Variants in DGKZ observed in about 807,000 individuals in gnomAD.
The protein encoded by DGKZ is DAG kinase zeta.
Under a neutral mutation model 142.5 loss-of-function variants are expected in DGKZ, and 45 were observed. The ratio of observed to expected loss-of-function variants is 0.32; its 90% confidence interval spans 0.25 to 0.40. The LOEUF (loss-of-function observed/expected upper bound fraction) is 0.40, where lower values mean the gene tolerates loss of function less well. DGKZ is among the 10% of genes least tolerant of loss of function. The probability of loss-of-function intolerance (pLI) is 1.00; values close to 1 mark genes in which losing one functional copy is unlikely to be tolerated. For missense variants in DGKZ, 755 were observed against 1,306.5 expected, an observed-to-expected ratio of 0.58 and a Z score of 6.51; for synonymous variants, 442 against 527.0, an observed-to-expected ratio of 0.84 and a Z score of 2.21.
At chr11:46,369,827 CGCAGGACTGCAG>C in intron 5 of DGKZ, 102 bp from the exon 6 acceptor site, 1 of 1,152,878 alleles carries the variant, frequency 8.7e-7, no homozygotes, top group Non-Finnish European at 1.3e-6. Context: ...TCCACTCATG[CGCAGGACTGCAG>C]AGCGCTTCCT....
chr11:46,377,900 A>AC, intron 25 of DGKZ: 1 of 482,512 alleles, frequency 2.1e-6, no homozygotes, highest in Non-Finnish European at 3.7e-6. Flanking sequence ...CACTCCCAGG[A>AC]CCCCCTCTGC....
In DGKZ at chr11:46,379,203, C is replaced by T. The variant is rs1255204512; in HGVS notation, c.2540C>T (p.Ala847Val). 9 of 1,612,752 alleles carry T rather than the reference C, an allele frequency of 5.6e-6. No individual in the cohort carries two copies. Among genetic ancestry groups the T allele is most frequent in the Admixed American group, 1.7e-5 (1 of 59,992 alleles). The change falls in exon 29 of 31, where the codon GCC becomes GTC. Residue 847 changes from alanine (A) to valine (V), a missense_variant and splice_region_variant. By Grantham distance (64) the Ala-to-Val change is moderately conservative. Coordinates refer to ENST00000527911, the Ensembl canonical transcript of DGKZ. ...CTGACCACCACCTCCCCTTCTCCAG[C>T]CCCCCCAGAGATCCTTGATGCGGTG...
intron 1 of DGKZ, chr11:46,366,588 C>G: frequency 6.2e-7 from 1 of 1,607,802 alleles, no homozygotes. Context: ...CTGCTGTTGA[C>G]CGGGCTTGTG....
At position 46,378,504 on chromosome 11, in the gene DGKZ, C is replaced by T; in HGVS notation, c.2418+4C>T. On this transcript the variant is annotated splice_donor_region_variant and intron_variant, in intron 27 of 30. Transcript: ENST00000527911. ...CAAGAGGAACGACTTCTGTAAGGTA[C>T]TAGCTCCAGGCTCCAGTTCCTTCCC... 6.2e-7 allele frequency: 1 copy of T among 1,612,992 alleles called. No individual in the cohort carries two copies.
chr11:46,345,816 G>C (rs780997992), upstream of DGKZ, among the ~76,000 whole-genome samples: 3 of 152,180 alleles, frequency 2.0e-5, no homozygotes, highest in Non-Finnish European at 4.4e-5. This position sits in a 1 kb window ranked among gnomAD's most constrained non-coding sequence, Gnocchi z 4.1. Context: ...CTAGCAGTGG[G>C]GGGATCTGGG....
exon 1 of DGKZ, chr11:46,333,011 G>A (rs1939846164): frequency 6.1e-6 from 2 of 325,534 alleles, no homozygotes; most frequent in Non-Finnish European, 1.1e-5. Context: ...GGGGGGCGCC[G>A]CGGCGCGCAG....
chr11:46,371,484 C>T lies in DGKZ; in HGVS notation c.643-3C>T. 1 of 1,602,826 alleles carries T rather than the reference C, an allele frequency of 6.2e-7. No individual in the cohort carries two copies. The highest frequency in any genetic ancestry group is 8.5e-7 in the Non-Finnish European group (1 of 1,173,720). ...GCTGAGCCCGGCCCCTCGCTCTCCT[C>T]AGTACCACAGCAAGGTGTCCTGCTT... On this transcript the variant is annotated splice_region_variant and splice_polypyrimidine_tract_variant and intron_variant, in intron 7 of 30. Transcript: ENST00000527911.
chr11:46,333,326 C>A (rs1939859949), exon 1 of DGKZ: 2 of 1,326,642 alleles, frequency 1.5e-6, no homozygotes. Flanking sequence ...GGGCTGGCGG[C>A]GGCCGGGCAG....
At chr11:46,358,738 A>G (rs1942308792) in intron 1 of DGKZ, among the ~76,000 whole-genome samples, 1 of 152,246 alleles carries the variant, frequency 6.6e-6, no homozygotes, top group South Asian at 2.1e-4. Flanking sequence ...TTGAGCAAAA[A>G]TGAGAATTTT....
At chr11:46,333,483 T>A in exon 1 of DGKZ, 1 of 1,542,034 alleles carries the variant, frequency 6.5e-7, no homozygotes, top group Non-Finnish European at 8.7e-7. Context: ...GCAGGTGTCT[T>A]ACAGGTAAGG....
intron 27 of DGKZ, 196 bp downstream of exon 27, chr11:46,378,696 T>C (rs1000853066): frequency 2.3e-6 from 2 of 876,310 alleles, no homozygotes; most frequent in Non-Finnish European, 3.7e-6. Flanking sequence ...TGGCTCCTAG[T>C]AGGGGCTTCC....
intron 1 of DGKZ, chr11:46,365,132 C>A: frequency 1.0e-6 from 1 of 985,354 alleles, no homozygotes; most frequent in Non-Finnish European, 1.2e-6. Flanking sequence ...AGCATGAGTT[C>A]AGGATGGGTC....
Position 46,376,414 on chromosome 11 carries a change from G to T in DGKZ, c.2161+17G>T, listed in dbSNP as rs1565081148. ...TCCTGGACGGTGAGTCTACTCCCAGGGTGCCAAGCTGTTTCGTGTTCCCTC... is the reference window on the plus strand; with the variant it reads ...TCCTGGACGGTGAGTCTACTCCCAGTGTGCCAAGCTGTTTCGTGTTCCCTC... On this transcript the variant is annotated intron_variant, in intron 23 of 30. Transcript: ENST00000527911. 6.8e-6 allele frequency: 11 copies of T among 1,614,072 alleles called. No homozygotes were observed. Among genetic ancestry groups the T allele is most frequent in the Non-Finnish European group, 7.6e-6 (9 of 1,179,974 alleles).
chr11:46,347,961 G>A lies in DGKZ; in HGVS notation c.161+141G>A. The A allele has an allele frequency of 1.7e-6, 2 of 1,207,014 alleles. No homozygotes were observed. Among genetic ancestry groups the A allele is most frequent in the African/African-American group, 1.6e-5 (1 of 63,408 alleles). The allele number at this position is 1,207,014 out of a possible 1,614,324, so 74.8% of individuals were successfully genotyped here. On this transcript the variant is annotated intron_variant, in intron 1 of 30. Transcript: ENST00000527911. This position sits in a 1 kb window ranked among gnomAD's most constrained non-coding sequence, Gnocchi z 6.4. ...GGGGAGAGGCTGGCACCGGCGGCAC[G>A]AGCCGTCTTGGCGTGGGCACCCACT...
chr11:46,368,527 C>T, intron 4 of DGKZ: 1 of 336,372 alleles, frequency 3.0e-6, no homozygotes, highest in South Asian at 2.3e-5. Context: ...GAGGTGGAGG[C>T]AGCACTGGGC....
intron 1 of DGKZ, among the ~76,000 whole-genome samples, chr11:46,335,042 G>A (rs1053092769): frequency 4.6e-5 from 7 of 152,120 alleles, no homozygotes; most frequent in Non-Finnish European, 7.3e-5. Context: ...GGCTGGGCGC[G>A]GTGACTCACA....
intron 1 of DGKZ, among the ~76,000 whole-genome samples, chr11:46,353,928 C>T (rs1337988053): frequency 6.6e-6 from 1 of 152,240 alleles, no homozygotes; most frequent in East Asian, 1.9e-4. Flanking sequence ...AACAGCTTGC[C>T]TGTCTCTCCG....
chr11:46,374,873 C>T, intron 18 of DGKZ, 34 bp downstream of exon 18: 2 of 1,583,856 alleles, frequency 1.3e-6, no homozygotes, highest in Non-Finnish European at 8.6e-7. Flanking sequence ...GGGGGGAGCC[C>T]TGCTGTCCTT....
Position 46,335,271 on chromosome 11 carries a change from G to A in DGKZ, c.212+1784G>A, listed in dbSNP as rs538930368. ...AGAGGTTGCAGTGAGCAGAGATGGC[G>A]CCACTGTACTCTAGCCTGGCGACAG... On this transcript the variant is annotated intron_variant, in intron 1 of 30. Coordinates refer to the DGKZ transcript ENST00000343674. Among the ~76,000 whole-genome samples, 49 of 151,342 alleles carry A rather than the reference G, an allele frequency of 3.2e-4. 1 individual carries two copies. In the South Asian group the frequency reaches 9.4e-3, roughly 29 times the overall value.
Sources: gnomAD v4.1 joint callset for allele counts (sites outside exome capture counted in the v4.1 genomes callset) on GRCh38, gnomAD v4.1.1 for gene constraint, Gnocchi (gnomAD v3.1) non-coding constraint, MANE v1.5 for transcripts, NCBI Gene and HGNC (gene_info 2026-07-23, HGNC 2026-07-21) for gene names.